The following SFMBT1 variants were observed in gnomAD, a reference collection of about 807,000 sequenced individuals.
SFMBT1 encodes Scm like with four mbt domains 1.
A neutral mutation model predicts 108.7 loss-of-function variants in SFMBT1; 32 were observed. The observed-to-expected ratio is 0.29, with a 90% CI of 0.22 to 0.40. SFMBT1 has a LOEUF of 0.40. Among genes scored for constraint, SFMBT1 ranks in the 10% least tolerant of loss-of-function variants. SFMBT1 has a pLI of 1.00. For missense variants in SFMBT1, 816 were observed against 1,059.6 expected (o/e 0.77, Z 3.19); for synonymous variants, 348 against 369.5 (o/e 0.94, Z 0.67).
At chr3:52,991,954 C>T (rs1705148068) in intron 1 of SFMBT1, among the ~76,000 whole-genome samples, 1 of 152,204 alleles carries the variant, frequency 6.6e-6, no homozygotes, top group South Asian at 2.1e-4. Context: ...ACTAAAACAT[C>T]ATCCATCCCC....
At chr3:52,964,765 G>A (rs533321460) in intron 2 of SFMBT1, among the ~76,000 whole-genome samples, 6 of 152,052 alleles carry the variant, frequency 3.9e-5, no homozygotes, top group Non-Finnish European at 8.8e-5. Flanking sequence ...TGTATCAAAG[G>A]TACATGACGT....
chr3:52,923,096 A>G (rs1702564569), intron 10 of SFMBT1, among the ~76,000 whole-genome samples: 1 of 152,194 alleles, frequency 6.6e-6, no homozygotes, highest in Admixed American at 6.5e-5. Flanking sequence ...TCTTAAATAT[A>G]GCAACAACCA....
At chr3:52,917,191 C>T (rs1702382970) in intron 13 of SFMBT1, among the ~76,000 whole-genome samples, 1 of 152,152 alleles carries the variant, frequency 6.6e-6, no homozygotes, top group African/African-American at 2.4e-5. Context: ...TTATTACCCA[C>T]ATAGTTACAA....
intron 2 of SFMBT1, among the ~76,000 whole-genome samples, chr3:52,955,084 G>A (rs963717475): frequency 6.6e-6 from 1 of 152,032 alleles, no homozygotes; most frequent in Non-Finnish European, 1.5e-5. Context: ...AGGAGATAGA[G>A]ACACGAAAAA....
intron 4 of SFMBT1, among the ~76,000 whole-genome samples, chr3:52,937,839 C>A (rs1205805847): frequency 6.6e-6 from 1 of 152,128 alleles, no homozygotes; most frequent in East Asian, 1.9e-4. Flanking sequence ...CCTCGGCCTC[C>A]CAAAGTGCTG....
intron 1 of SFMBT1, chr3:53,043,065 A>T (rs1354812137): frequency 6.6e-6 from 1 of 152,256 alleles, no homozygotes; most frequent in African/African-American, 2.4e-5. Flanking sequence ...CCCAACTTTT[A>T]TCACACAGAT....
Position 52,995,908 on chromosome 3 carries a change from C to A in SFMBT1, c.-130-26650G>T, listed in dbSNP as rs796842891. On this transcript the variant is annotated intron_variant, in intron 1 of 20. Transcript: ENST00000394752. ...CCAACATGGTGAAACCCCGTCTCTA[C>A]TAAAAATACAAAAATTAGCCAGGAC... Among the ~76,000 whole-genome samples, 3 of 149,188 alleles carry A rather than the reference C, an allele frequency of 2.0e-5. No individual in the cohort carries two copies. The South Asian group carries it at 6.4e-4, about 32-fold the overall frequency.
chr3:53,024,134 CAG>C (rs1699405469), intron 1 of SFMBT1, among the ~76,000 whole-genome samples: 1 of 152,076 alleles, frequency 6.6e-6, no homozygotes, highest in South Asian at 2.1e-4. Flanking sequence ...AAAAATTAAT[CAG>C]GGGCAGGGAT....
At chr3:53,027,071 C>T (rs541955518) in intron 1 of SFMBT1, among the ~76,000 whole-genome samples, 1 of 152,264 alleles carries the variant, frequency 6.6e-6, no homozygotes, top group South Asian at 2.1e-4. Flanking sequence ...GCATGACCCA[C>T]CATGCCCAAC....
rs189198390 is a variant in SFMBT1 at position 52,914,118 on chromosome 3, G to C, written c.1481-501C>G. ...ATCCCATCTCTGAGATTTCTCAGAG[G>C]GCTAAAAGTATGCTGTGACCACATC... On this transcript the variant is annotated intron_variant, in intron 14 of 20. Transcript: ENST00000394752. Among the ~76,000 whole-genome samples, 981 of 152,218 alleles carry C rather than the reference G, an allele frequency of 6.4e-3. 93 individuals are homozygous for C. The South Asian group carries it at 0.18, about 28-fold the overall frequency.
intron 12 of SFMBT1, 65 bp from the exon 13 acceptor site, chr3:52,918,591 G>T: frequency 9.4e-7 from 1 of 1,067,756 alleles, no homozygotes; most frequent in Non-Finnish European, 1.3e-6. Context: ...ATTCATATGT[G>T]TATTAAGGTT....
intron 1 of SFMBT1, among the ~76,000 whole-genome samples, chr3:52,993,132 A>ATTTTTTT (rs1266716190): frequency 4.0e-5 from 6 of 150,834 alleles, no homozygotes; most frequent in East Asian, 1.9e-4. Flanking sequence ...AATAGCACAT[A>ATTTTTTT]GAGCAGGTAA....
At chr3:53,005,863 T>C (rs1282984292) in intron 1 of SFMBT1, among the ~76,000 whole-genome samples, 1 of 152,070 alleles carries the variant, frequency 6.6e-6, no homozygotes, top group Non-Finnish European at 1.5e-5. Context: ...AGGGTGGACA[T>C]GCATGAAGGG....
chr3:52,987,864 A>G (rs1704981583), intron 1 of SFMBT1, among the ~76,000 whole-genome samples: 1 of 152,238 alleles, frequency 6.6e-6, no homozygotes. Context: ...ATATGAAAGG[A>G]TACAGTACAC....
chr3:52,913,387 T>C, intron 15 of SFMBT1, 91 bp downstream of exon 15: 1 of 1,462,196 alleles, frequency 6.8e-7, no homozygotes, highest in Non-Finnish European at 9.2e-7. Context: ...CCTAGAACTG[T>C]CACATCTATG....
At chr3:52,926,535 G>A (rs1702664381) in intron 9 of SFMBT1, among the ~76,000 whole-genome samples, 1 of 152,204 alleles carries the variant, frequency 6.6e-6, no homozygotes. Flanking sequence ...TAGTTAATCT[G>A]CAAAGACGAA....
rs980496375 is a variant in SFMBT1, at chr3:52,993,273, T to C, written c.-130-24015A>G. On this transcript the variant is annotated intron_variant, in intron 1 of 20. Transcript: ENST00000394752. Reference sequence around the variant, plus strand: ...TAAATGGACATGTTTAGTTACATGTTTTCTTGAGCAGTACTTTTTATTTGT... The same window carrying C: ...TAAATGGACATGTTTAGTTACATGTCTTCTTGAGCAGTACTTTTTATTTGT... 1.3e-5 allele frequency among the ~76,000 whole-genome samples: 2 copies of C among 150,114 alleles called. 1 individual carries two copies. The highest frequency in any genetic ancestry group is 3.0e-5 in the Non-Finnish European group (2 of 67,080).
At chr3:52,941,421 C>T (rs1472921590) in intron 4 of SFMBT1, among the ~76,000 whole-genome samples, 1 of 151,798 alleles carries the variant, frequency 6.6e-6, no homozygotes, top group Non-Finnish European at 1.5e-5. Flanking sequence ...TGGCAAAATC[C>T]CGTCTCTACT....
At chr3:53,023,735 G>C (rs1699390318) in intron 1 of SFMBT1, among the ~76,000 whole-genome samples, 1 of 152,140 alleles carries the variant, frequency 6.6e-6, no homozygotes, top group East Asian at 1.9e-4. Flanking sequence ...GGGTTTGTGG[G>C]CTCTGGTTTG....
Sources: allele counts gnomAD v4.1 joint callset (sites outside exome capture counted in the v4.1 genomes callset), GRCh38; gene constraint gnomAD v4.1.1; transcripts MANE v1.5; gene names NCBI Gene and HGNC (gene_info 2026-07-23, HGNC 2026-07-21).